EXOC6B: variants seen among roughly 807,000 people sequenced by gnomAD.
EXOC6B encodes exocyst complex component 6B.
EXOC6B carries 54 observed loss-of-function variants against 113.5 expected under a neutral mutation model. The ratio of observed to expected loss-of-function variants is 0.48; its 90% CI spans 0.38 to 0.60. The LOEUF (loss-of-function observed/expected upper bound fraction) is 0.60, where lower values mean the gene tolerates loss of function less well. EXOC6B is among the 20% of genes least tolerant of loss of function. The pLI, the probability that EXOC6B is intolerant of heterozygous loss-of-function variation, is 0.00. For synonymous variants in EXOC6B, 357 were observed against 339.0 expected, an observed-to-expected ratio of 1.05 and a Z score of -0.58; for missense variants, 797 against 977.5, an observed-to-expected ratio of 0.82 and a Z score of 2.46.
At chr2:72,762,242 C>CAAAAAAA (rs557776288) in intron 1 of EXOC6B, among the ~76,000 whole-genome samples, 1 of 61,248 alleles carries the variant, frequency 1.6e-5, no homozygotes. Context: ...GACTCCGTCT[C>CAAAAAAA]AAAAAAAAAA....
chr2:72,205,542 C>T (rs1276446221), intron 20 of EXOC6B, among the ~76,000 whole-genome samples: 2 of 152,044 alleles, frequency 1.3e-5, no homozygotes, highest in Non-Finnish European at 2.9e-5. Context: ...GGTCAGGAAG[C>T]CCAGACTGAG....
intron 11 of EXOC6B, among the ~76,000 whole-genome samples, chr2:72,511,697 A>T (rs1700908344): frequency 6.6e-6 from 1 of 152,144 alleles, no homozygotes; most frequent in African/African-American, 2.4e-5. Flanking sequence ...ACTGTTTAAA[A>T]GGTCAAGTAG....
intron 19 of EXOC6B, among the ~76,000 whole-genome samples, chr2:72,352,285 G>C (rs1382420321): frequency 6.6e-6 from 1 of 152,028 alleles, no homozygotes; most frequent in East Asian, 1.9e-4. Context: ...AAAAGGAGTA[G>C]AAAATAGAGT....
At chr2:72,415,755 T>C (rs918818599) in intron 18 of EXOC6B, among the ~76,000 whole-genome samples, 1 of 152,158 alleles carries the variant, frequency 6.6e-6, no homozygotes, top group African/African-American at 2.4e-5. Context: ...ACAAAGCGAT[T>C]ATGATCATGG....
chr2:72,237,448 G>A (rs1324766104), intron 20 of EXOC6B, among the ~76,000 whole-genome samples: 1 of 144,990 alleles, frequency 6.9e-6, no homozygotes, highest in African/African-American at 2.8e-5. Context: ...AGGAAACAGA[G>A]ATTCAGCAAA....
chr2:72,718,114 C>T lies in EXOC6B; in HGVS notation c.658G>A (p.Ala220Thr). The T allele has an allele frequency of 6.2e-7, 1 of 1,608,768 alleles. No individual in the cohort carries two copies. Among genetic ancestry groups the T allele is most frequent in the Non-Finnish European group, 8.5e-7 (1 of 1,177,178 alleles). The change falls in exon 6 of 22, where the codon GCC (alanine) becomes ACC (threonine). Residue 220 changes from alanine to threonine, a missense_variant. Coordinates refer to ENST00000272427, the MANE Select transcript of EXOC6B (RefSeq NM_015189.3). ...RKHSDKIGET[A>T]MKQAQQQRNL... is the part of the protein sequence containing the mutation. ...AACCCAAGACCTACTTGCTTCATGG[C>T]AGTCTCTCCAATTTTGTCTGAATGT...
chr2:72,191,862 T>A (rs560822457), intron 20 of EXOC6B, among the ~76,000 whole-genome samples: 1 of 152,168 alleles, frequency 6.6e-6, no homozygotes, highest in Non-Finnish European at 1.5e-5. Flanking sequence ...GAGTTGCTCA[T>A]GGCTAAAGGA....
chr2:72,683,843 C>A (rs964062666), intron 6 of EXOC6B, among the ~76,000 whole-genome samples: 1 of 152,162 alleles, frequency 6.6e-6, no homozygotes, highest in Non-Finnish European at 1.5e-5. Context: ...ATCATTCCAC[C>A]TTTTTTTCTT....
Position 72,374,080 on chromosome 2 carries a change from T to A in EXOC6B, c.2122+5649A>T, listed in dbSNP as rs551017939. The stretch of plus-strand genomic sequence containing the variant: ...GTGAGACCCTGTCTCAAAAAAAAAA[T>A]TTTTTTTTAAATCCACTATGGAGAA... On this transcript the variant is annotated intron_variant, in intron 19 of 21. Transcript: ENST00000272427. Among the ~76,000 whole-genome samples the A allele has an allele frequency of 5.8e-4, 88 of 151,534 alleles. 1 individual carries two copies. Among genetic ancestry groups the A allele is most frequent in the South Asian group, 1.5e-3 (7 of 4,728 alleles).
intron 20 of EXOC6B, among the ~76,000 whole-genome samples, chr2:72,243,560 A>C (rs1682461260): frequency 6.6e-6 from 1 of 152,150 alleles, no homozygotes; most frequent in Non-Finnish European, 1.5e-5. Flanking sequence ...ACCTGGACAC[A>C]GGGTGGGGAA....
intron 20 of EXOC6B, among the ~76,000 whole-genome samples, chr2:72,234,360 G>A (rs1681825787): frequency 6.6e-6 from 1 of 152,092 alleles, no homozygotes; most frequent in South Asian, 2.1e-4. Flanking sequence ...TGGGATTACA[G>A]GTGTGAGGCA....
intron 20 of EXOC6B, among the ~76,000 whole-genome samples, chr2:72,226,172 T>C (rs1262868494): frequency 6.6e-6 from 1 of 152,140 alleles, no homozygotes; most frequent in Non-Finnish European, 1.5e-5. Context: ...ACTAAGGAGA[T>C]ATGATGATTG....
At chr2:72,295,745 T>C (rs779268283) in intron 20 of EXOC6B, among the ~76,000 whole-genome samples, 12 of 152,290 alleles carry the variant, frequency 7.9e-5, no homozygotes, top group Non-Finnish European at 1.6e-4. Context: ...GCTGAGTTCT[T>C]GAAGCATCTG....
chr2:72,502,571 C>T lies in EXOC6B; in HGVS notation c.1168-2599G>A, dbSNP rs190106298. ...TCAAAAATATAAATAAAAATAAATA[C>T]AGGATGGGTAAAGAGTAAACTTTGA... On this transcript the variant is annotated intron_variant, in intron 11 of 21. Transcript: ENST00000272427. 5.2e-4 allele frequency among the ~76,000 whole-genome samples: 79 copies of T among 152,128 alleles called. 1 individual carries two copies. The highest frequency in any genetic ancestry group is 9.6e-4 in the Non-Finnish European group (65 of 67,972).
At chr2:72,684,076 C>T (rs758682280) in intron 6 of EXOC6B, among the ~76,000 whole-genome samples, 2 of 152,118 alleles carry the variant, frequency 1.3e-5, no homozygotes, top group African/African-American at 2.4e-5. Context: ...GGATTACAGG[C>T]GCCCATCAGC....
intron 16 of EXOC6B, among the ~76,000 whole-genome samples, chr2:72,482,919 A>G (rs1167508582): frequency 1.3e-5 from 2 of 152,224 alleles, no homozygotes; most frequent in East Asian, 3.8e-4. Flanking sequence ...CTCTTAGATG[A>G]AAAGTTAGGG....
rs574403307 is a variant in EXOC6B at position 72,226,350 on chromosome 2, G to C, written c.2197-42163C>G. Among the ~76,000 whole-genome samples the C allele has an allele frequency of 2.0e-5, 3 of 152,270 alleles. No individual in the cohort carries two copies. In the South Asian group the frequency reaches 6.2e-4, roughly 32 times the overall value. ...TAATAAAAAACAGATGTTAACATTA[G>C]GAGAAACTGAGTAAGGGCACACAGG... is the stretch of plus-strand genomic sequence containing the variant. On this transcript the variant is annotated intron_variant, in intron 20 of 21. Transcript: ENST00000272427.
intron 6 of EXOC6B, among the ~76,000 whole-genome samples, chr2:72,697,417 G>A (rs1038799119): frequency 6.6e-6 from 1 of 152,064 alleles, no homozygotes; most frequent in African/African-American, 2.4e-5. Flanking sequence ...TTGGCATGGT[G>A]GATCCTGCCT....
intron 20 of EXOC6B, among the ~76,000 whole-genome samples, chr2:72,262,634 A>G (rs543821348): frequency 1.8e-4 from 28 of 152,326 alleles, no homozygotes; most frequent in African/African-American, 6.3e-4. Flanking sequence ...AAAGATGCAG[A>G]ATGAAGCAAC....
Sources: allele counts gnomAD v4.1 joint callset (sites outside exome capture counted in the v4.1 genomes callset), GRCh38; gene constraint gnomAD v4.1.1; transcripts MANE v1.5; gene names NCBI Gene and HGNC (gene_info 2026-07-23, HGNC 2026-07-21).